ASIC2: variants seen among roughly 807,000 people sequenced by gnomAD.
The protein encoded by ASIC2 is acid-sensing ion channel 2.
A neutral mutation model predicts 57.3 loss-of-function variants in ASIC2; 25 were observed. The ratio of observed to expected loss-of-function variants is 0.44; its 90% confidence interval spans 0.32 to 0.61. The LOEUF is 0.61. Ranked by LOEUF, ASIC2 falls within the 20% of genes least tolerant of loss-of-function variation. ASIC2 has a pLI of 0.06. For missense variants in ASIC2, 641 were observed against 738.1 expected, an observed-to-expected ratio of 0.87 and a Z score of 1.52; for synonymous variants, 319 against 307.5, an observed-to-expected ratio of 1.04 and a Z score of -0.39.
At chr17:33,424,289 T>C (rs1440211512) in intron 1 of ASIC2, among the ~76,000 whole-genome samples, 1 of 152,158 alleles carries the variant, frequency 6.6e-6, no homozygotes, top group Non-Finnish European at 1.5e-5. Context: ...TGCCAGAAGT[T>C]GTAATTAAAT....
chr17:34,028,501 C>T (rs1311930003), intron 1 of ASIC2, among the ~76,000 whole-genome samples: 4 of 151,934 alleles, frequency 2.6e-5, no homozygotes, highest in Non-Finnish European at 4.4e-5. Flanking sequence ...GCATTATGCT[C>T]GAGTCAACCT....
At chr17:34,044,496 G>A (rs536820474) in intron 1 of ASIC2, among the ~76,000 whole-genome samples, 31 of 152,224 alleles carry the variant, frequency 2.0e-4, no homozygotes, top group Admixed American at 2.6e-4. Context: ...TTTTGAAAGC[G>A]GCCAGGCGTT....
intron 1 of ASIC2, among the ~76,000 whole-genome samples, chr17:33,966,576 G>A (rs182473765): frequency 1.3e-5 from 2 of 152,348 alleles, no homozygotes; most frequent in Admixed American, 6.5e-5. Flanking sequence ...GGATTACACT[G>A]TGTTGTTCAC....
chr17:33,252,187 G>A (rs771303958), intron 1 of ASIC2, among the ~76,000 whole-genome samples: 1 of 152,076 alleles, frequency 6.6e-6, no homozygotes. Context: ...CCCTCTTTAG[G>A]AGAACTCATT....
chr17:33,341,266 G>A (rs564435915), intron 1 of ASIC2, among the ~76,000 whole-genome samples: 79 of 152,274 alleles, frequency 5.2e-4, no homozygotes, highest in African/African-American at 1.8e-3. Flanking sequence ...TAACATGAAC[G>A]CTTTCCCCAT....
chr17:33,319,740 C>T (rs1906795457), intron 1 of ASIC2, among the ~76,000 whole-genome samples: 2 of 152,124 alleles, frequency 1.3e-5, no homozygotes, highest in Admixed American at 6.5e-5. Context: ...CACCATGTTG[C>T]CGTAGCTAGT....
chr17:33,098,815 C>A (rs970995958), intron 2 of ASIC2, among the ~76,000 whole-genome samples: 1 of 151,932 alleles, frequency 6.6e-6, no homozygotes, highest in Non-Finnish European at 1.5e-5. Context: ...AGGACCAAAT[C>A]GGAAGATGTG....
At chr17:34,136,110 G>A (rs947856144) in intron 1 of ASIC2, among the ~76,000 whole-genome samples, 1 of 152,106 alleles carries the variant, frequency 6.6e-6, no homozygotes, top group Non-Finnish European at 1.5e-5. Flanking sequence ...CAGCTGACCA[G>A]CATTAACATT....
At chr17:33,203,676 C>G (rs920676041) in intron 1 of ASIC2, among the ~76,000 whole-genome samples, 2 of 152,128 alleles carry the variant, frequency 1.3e-5, no homozygotes, top group African/African-American at 2.4e-5. Context: ...GGGTGATGGA[C>G]TCTACCTTTA....
intron 1 of ASIC2, among the ~76,000 whole-genome samples, chr17:33,313,040 C>T (rs59692040): frequency 0.31 from 47,210 of 152,046 alleles, 7,781 homozygotes; most frequent in South Asian, 0.47. Flanking sequence ...GGTTGCAGTG[C>T]CTCACACCTA....
At chr17:33,193,948 TA>T (rs1906527947) in intron 1 of ASIC2, among the ~76,000 whole-genome samples, 2 of 152,306 alleles carry the variant, frequency 1.3e-5, no homozygotes, top group Admixed American at 1.3e-4. Flanking sequence ...CTTTCTAGTA[TA>T]TTACTTTCAC....
chr17:34,080,167 C>G (rs758364740), intron 1 of ASIC2, among the ~76,000 whole-genome samples: 1 of 152,186 alleles, frequency 6.6e-6, no homozygotes, highest in Non-Finnish European at 1.5e-5. Flanking sequence ...TTAATAGCCT[C>G]TTGAAAGGAA....
At position 33,801,870 on chromosome 17, in the gene ASIC2, C is replaced by G. The variant is rs144792219; in HGVS notation, c.555+354108G>C. On this transcript the variant is annotated intron_variant, in intron 1 of 9. Transcript: ENST00000359872. ...TGCCTACTGTACCGGACAGCACAGA[C>G]AGAAAGCAACTTGTTTAACTTTCCA... 3.2e-3 allele frequency among the ~76,000 whole-genome samples: 493 copies of G among 152,280 alleles called. 4 individuals carry two copies. Among genetic ancestry groups the G allele is most frequent in the African/African-American group, 0.011 (477 of 41,562 alleles).
chr17:33,834,357 C>A (rs950049067), intron 1 of ASIC2: 9 of 152,202 alleles, frequency 5.9e-5, no homozygotes, highest in African/African-American at 1.9e-4. Context: ...ACATTCCAGG[C>A]AAGGTCCTTT....
intron 1 of ASIC2, chr17:34,038,700 C>G: frequency 1.9e-6 from 3 of 1,601,190 alleles, no homozygotes; most frequent in Non-Finnish European, 2.6e-6. Flanking sequence ...TTAAGATGAC[C>G]TAATCTGAGT....
chr17:33,662,652 TAAA>T (rs1287732557), intron 1 of ASIC2, among the ~76,000 whole-genome samples: 8 of 143,850 alleles, frequency 5.6e-5, no homozygotes, highest in Non-Finnish European at 1.2e-4. Context: ...AATAAATAAA[TAAA>T]TAAATAAATA....
intron 1 of ASIC2, among the ~76,000 whole-genome samples, chr17:34,019,122 A>T (rs569130860): frequency 6.6e-6 from 1 of 152,146 alleles, no homozygotes; most frequent in East Asian, 1.9e-4. Flanking sequence ...GTTAGCCAGG[A>T]TGGTCTTGAT....
chr17:33,241,721 C>G (rs1908512937), intron 1 of ASIC2, among the ~76,000 whole-genome samples: 1 of 152,196 alleles, frequency 6.6e-6, no homozygotes, highest in Non-Finnish European at 1.5e-5. Flanking sequence ...GACACATGCT[C>G]TATGAGCCCA....
intron 1 of ASIC2, among the ~76,000 whole-genome samples, chr17:33,375,071 T>G (rs1909227145): frequency 6.6e-6 from 1 of 152,200 alleles, no homozygotes; most frequent in Non-Finnish European, 1.5e-5. Context: ...TGAGCCAGAA[T>G]TATTAATTAA....
Sources: gnomAD v4.1 joint callset for allele counts (sites outside exome capture counted in the v4.1 genomes callset) on GRCh38, gnomAD v4.1.1 for gene constraint, MANE v1.5 for transcripts, NCBI Gene and HGNC (gene_info 2026-07-23, HGNC 2026-07-21) for gene names.